AJAP1: variants seen among roughly 807,000 people sequenced by gnomAD.
AJAP1 encodes the protein adherens junction-associated protein 1.
A neutral mutation model predicts 35.0 loss-of-function variants in AJAP1; 5 were observed. The observed-to-expected ratio is 0.14, with a 90% CI of 0.07 to 0.30. The LOEUF (loss-of-function observed/expected upper bound fraction) is 0.30, where lower values mean the gene tolerates loss of function less well. AJAP1 is among the 10% of genes least tolerant of loss of function. The probability of loss-of-function intolerance (pLI) is 1.00; values close to 1 mark genes in which losing one functional copy is unlikely to be tolerated. For missense variants in AJAP1, 586 were observed against 571.0 expected (o/e 1.03, Z -0.27); for synonymous variants, 284 against 249.3 (o/e 1.14, Z -1.31).
intron 2 of AJAP1, among the ~76,000 whole-genome samples, chr1:4,766,079 C>T (rs190600358): frequency 6.6e-6 from 1 of 152,214 alleles, no homozygotes; most frequent in Admixed American, 6.5e-5. Context: ...ATAAGCAGAG[C>T]CACCTTGAGC....
rs574835763 is a variant in AJAP1, at chr1:4,691,534, T to C, written c.30-20366T>C. ...CCCGGGAGTGGCTCCAGAGAGGAGC[T>C]TGGGCCTCCAGGTCCTGTGTGCCTC... On this transcript the variant is annotated intron_variant, in intron 1 of 5. Transcript: ENST00000378191. 3.7e-4 allele frequency among the ~76,000 whole-genome samples: 57 copies of C among 152,278 alleles called. 1 individual carries two copies. In the Middle Eastern group the frequency reaches 0.02, roughly 55 times the overall value.
intron 1 of AJAP1, among the ~76,000 whole-genome samples, chr1:4,662,016 A>G (rs1402071715): frequency 6.6e-6 from 1 of 152,006 alleles, no homozygotes; most frequent in South Asian, 2.1e-4. Context: ...TAGCATAAGA[A>G]GTCTGAGTAA....
At chr1:4,748,754 A>G (rs406913) in intron 2 of AJAP1, among the ~76,000 whole-genome samples, 10,516 of 68,502 alleles carry the variant, frequency 0.15, 151 homozygotes, top group Middle Eastern at 0.22. Flanking sequence ...TCTCAAAAAA[A>G]AAAAAAAAAA....
chr1:4,718,636 C>A (rs1435381172), intron 2 of AJAP1, among the ~76,000 whole-genome samples: 2 of 152,060 alleles, frequency 1.3e-5, no homozygotes, highest in African/African-American at 4.8e-5. Context: ...GCACGTGCCA[C>A]TAAGCTCAGC....
chr1:4,692,075 C>T lies in AJAP1; in HGVS notation c.30-19825C>T, dbSNP rs893335860. On this transcript the variant is annotated intron_variant, in intron 1 of 5. Coordinates refer to ENST00000378191, the MANE Select transcript of AJAP1 (RefSeq NM_018836.4). The surrounding 1 kb of genome is among the most constrained non-coding windows in gnomAD (Gnocchi z 4.4). Reference sequence around the variant, plus strand: ...GAGGCCCTCAGCCCTGTGCTCCTTCCGGGAATGGCAGGTGGCATGGCGCCC... The same window carrying T: ...GAGGCCCTCAGCCCTGTGCTCCTTCTGGGAATGGCAGGTGGCATGGCGCCC... 6.6e-6 allele frequency among the ~76,000 whole-genome samples: 1 copy of T among 152,154 alleles called. No individual in the cohort carries two copies. The highest frequency in any genetic ancestry group is 2.4e-5 in the African/African-American group (1 of 41,432).
Position 4,655,468 on chromosome 1 carries a change from C to T in AJAP1, c.29+14C>T, listed in dbSNP as rs201704127. 310 of 1,564,924 alleles carry T rather than the reference C, an allele frequency of 2.0e-4. 2 individuals carry two copies. In the African/African-American group the frequency reaches 3.8e-3, roughly 19 times the overall value. On this transcript the variant is annotated intron_variant, in intron 1 of 5. Transcript: ENST00000378191. The surrounding 1 kb of genome is among the most constrained non-coding windows in gnomAD (Gnocchi z 6.9). Reference sequence around the variant, plus strand: ...TTTAGGACTCAGGTGAGCGACCCGGCCGGCGCCGGGTGCGTGTGGGCGCGT... The same window carrying T: ...TTTAGGACTCAGGTGAGCGACCCGGTCGGCGCCGGGTGCGTGTGGGCGCGT...
chr1:4,761,398 A>G (rs773130094), intron 2 of AJAP1, among the ~76,000 whole-genome samples: 1 of 152,120 alleles, frequency 6.6e-6, no homozygotes, highest in African/African-American at 2.4e-5. Context: ...TCCAAATACA[A>G]AGAAACCCAT....
chr1:4,782,169 C>T lies in AJAP1; in HGVS notation c.*60-376C>T, dbSNP rs1642076691. Among the ~76,000 whole-genome samples the T allele has an allele frequency of 6.6e-6, 1 of 152,198 alleles. No homozygotes were observed. The highest frequency in any genetic ancestry group is 1.5e-5 in the Non-Finnish European group (1 of 68,034). On this transcript the variant is annotated intron_variant, in intron 5 of 5. Coordinates refer to ENST00000378191, the MANE Select transcript of AJAP1 (RefSeq NM_018836.4). The surrounding 1 kb of genome is among the most constrained non-coding windows in gnomAD (Gnocchi z 5.3). ...GGACAGAGAGTGAGAGCAGGGCTGC[C>T]ACACGCAGGCCCCCTGACATGCACG...
rs1210761781 is a variant in AJAP1 at position 4,720,499 on chromosome 1, C to T, written c.829+7800C>T. Among the ~76,000 whole-genome samples, 2 of 152,170 alleles carry T rather than the reference C, an allele frequency of 1.3e-5. No homozygotes were observed. Among genetic ancestry groups the T allele is most frequent in the African/African-American group, 2.4e-5 (1 of 41,438 alleles). On this transcript the variant is annotated intron_variant, in intron 2 of 5. Transcript: ENST00000378191. The surrounding 1 kb of genome is among the most constrained non-coding windows in gnomAD (Gnocchi z 4.4). The stretch of plus-strand genomic sequence containing the variant: ...AGCGCCCACCTTGGCTCAGATGGAC[C>T]CAGGCCATGGCTGCAGGTGTCCTTG...
intron 1 of AJAP1, among the ~76,000 whole-genome samples, chr1:4,662,945 G>A (rs1278125076): frequency 6.6e-6 from 1 of 152,184 alleles, no homozygotes; most frequent in Non-Finnish European, 1.5e-5. Flanking sequence ...GAGAGGGTCA[G>A]TGGTCTCTTG....
In AJAP1 at chr1:4,655,769, C is replaced by A. The variant is rs1638865755; in HGVS notation, c.29+315C>A. Reference sequence around the variant, plus strand: ...AGGAGCCAGCAGCGCAGTGTCCTGGCCGGCTGCCCCGGCGCGCCTCCTCCC... The same window carrying A: ...AGGAGCCAGCAGCGCAGTGTCCTGGACGGCTGCCCCGGCGCGCCTCCTCCC... On this transcript the variant is annotated intron_variant, in intron 1 of 5. Transcript: ENST00000378191. This position sits in a 1 kb window ranked among gnomAD's most constrained non-coding sequence, Gnocchi z 6.9. Among the ~76,000 whole-genome samples, 1 of 148,830 alleles carries A rather than the reference C, an allele frequency of 6.7e-6. No homozygotes were observed. The highest frequency in any genetic ancestry group is 6.7e-5 in the Admixed American group (1 of 14,988).
chr1:4,678,360 C>T (rs2071993), intron 1 of AJAP1, among the ~76,000 whole-genome samples: 4,164 of 152,272 alleles, frequency 0.027, 114 homozygotes, highest in East Asian at 0.074. Context: ...TCACATGTTC[C>T]CTGGGTCAGG....
At chr1:4,683,434 C>T (rs1214777570) in intron 1 of AJAP1, among the ~76,000 whole-genome samples, 2 of 152,322 alleles carry the variant, frequency 1.3e-5, no homozygotes, top group South Asian at 4.1e-4. Context: ...TTACCAGTTC[C>T]AGGTGACGCT....
intron 1 of AJAP1, among the ~76,000 whole-genome samples, chr1:4,696,991 T>C (rs1391479530): frequency 6.6e-6 from 1 of 152,152 alleles, no homozygotes; most frequent in Non-Finnish European, 1.5e-5. Context: ...TGTGCATGTG[T>C]GTATGTGTGC....
At chr1:4,680,434 G>A (rs1425900580) in intron 1 of AJAP1, among the ~76,000 whole-genome samples, 1 of 152,182 alleles carries the variant, frequency 6.6e-6, no homozygotes, top group Non-Finnish European at 1.5e-5. Flanking sequence ...GTTCAAAGTG[G>A]ACATGAACAT....
chr1:4,712,134 G>T lies in AJAP1; in HGVS notation c.264G>T (p.Arg88=), dbSNP rs753164510. ...GCCCCCGGCCGCCCCGAGTGGAGCG[G>T]ATCCACGGGCAGATGCAGATGCCTC... ...VWSPRPPRVE[R]IHGQMQMPRA... is the part of the protein sequence containing the mutation. Residue 88 remains arginine (R), a synonymous_variant, in exon 2 of 6, where the codon CGG becomes CGT. Transcript: ENST00000378191. The T allele has an allele frequency of 1.2e-5, 18 of 1,555,348 alleles. No individual in the cohort carries two copies. In the African/African-American group the frequency reaches 1.8e-4, roughly 15 times the overall value.
intron 1 of AJAP1, among the ~76,000 whole-genome samples, chr1:4,681,042 C>T (rs1044517969): frequency 2.0e-5 from 3 of 152,154 alleles, no homozygotes; most frequent in Admixed American, 6.5e-5. Flanking sequence ...TCTCTAGCAC[C>T]CGTTATTGGT....
intron 2 of AJAP1, among the ~76,000 whole-genome samples, chr1:4,755,572 A>G (rs995734620): frequency 1.3e-4 from 20 of 152,086 alleles, no homozygotes; most frequent in Admixed American, 5.2e-4. Flanking sequence ...GACTCAGTCT[A>G]GTACCGGGGG....
At position 4,734,976 on chromosome 1, in the gene AJAP1, G is replaced by A. The variant is rs1403870649; in HGVS notation, c.829+22277G>A. The stretch of plus-strand genomic sequence containing the variant: ...TCGCCTGCAAGCTGAGCCGCGTGAT[G>A]GAGCTCAGCCTGCAGCAGCCGTCTT... On this transcript the variant is annotated intron_variant, in intron 2 of 5. Transcript: ENST00000378191. This position sits in a 1 kb window ranked among gnomAD's most constrained non-coding sequence, Gnocchi z 4.3. Among the ~76,000 whole-genome samples the A allele has an allele frequency of 2.0e-5, 3 of 152,210 alleles. No individual in the cohort carries two copies. The highest frequency in any genetic ancestry group is 7.2e-5 in the African/African-American group (3 of 41,456).
Sources: allele counts gnomAD v4.1 joint callset (sites outside exome capture counted in the v4.1 genomes callset), GRCh38; gene constraint gnomAD v4.1.1; non-coding constraint Gnocchi (gnomAD v3.1); transcripts MANE v1.5; gene names NCBI Gene and HGNC (gene_info 2026-07-23, HGNC 2026-07-21).